WRNIP1: variants seen among roughly 807,000 people sequenced by gnomAD.
WRNIP1 encodes the protein WRN helicase interacting protein 1.
In WRNIP1, 41 loss-of-function variants were observed where a neutral mutation model predicts 56.1. That is an observed-to-expected ratio of 0.73 (90% CI 0.57 to 0.95). The LOEUF (loss-of-function observed/expected upper bound fraction) is 0.95. Among genes scored for constraint, WRNIP1 ranks in the 40% least tolerant of loss-of-function variants. The probability of loss-of-function intolerance (pLI) is 0.00; values close to 1 mark genes in which losing one functional copy is unlikely to be tolerated. For missense variants in WRNIP1, 1,170 were observed against 939.4 expected (o/e 1.25, Z -3.21); for synonymous variants, 547 against 398.1 (o/e 1.37, Z -4.45).
rs1404400868 is a variant in WRNIP1, at chr6:2,786,554, CA to C, written c.*1273del. The C allele has an allele frequency of 1.3e-4, 20 of 152,274 alleles. No homozygotes were observed. The highest frequency in any genetic ancestry group is 1.3e-4 in the Non-Finnish European group (9 of 68,112). The allele number at this position is 152,274 out of a possible 1,614,324, so 9.4% of individuals were successfully genotyped here. ...ACTGACTGCTTTCTGGCACAGGTGGCATGTACCCTCTAGTAGCTTTATGGAG... is the reference window on the plus strand; with the variant it reads ...ACTGACTGCTTTCTGGCACAGGTGGCTGTACCCTCTAGTAGCTTTATGGAG... On this transcript the variant is annotated 3_prime_UTR_variant, in exon 7 of 7. Transcript: ENST00000380773.
chr6:2,776,935 A>G (rs1273655348), intron 3 of WRNIP1, among the ~76,000 whole-genome samples: 1 of 152,202 alleles, frequency 6.6e-6, no homozygotes, highest in Non-Finnish European at 1.5e-5. Flanking sequence ...TTTTTAAAGT[A>G]AATGTTGACA....
intron 4 of WRNIP1, among the ~76,000 whole-genome samples, chr6:2,781,022 G>A (rs149071003): frequency 2.6e-4 from 39 of 152,282 alleles, no homozygotes; most frequent in East Asian, 1.2e-3. Context: ...AAACTGACCC[G>A]TAAATCCAGG....
chr6:2,785,386 C>A lies in WRNIP1; in HGVS notation c.*104C>A. 18 of 1,348,590 alleles carry A rather than the reference C, an allele frequency of 1.3e-5. No individual in the cohort carries two copies. Among genetic ancestry groups the A allele is most frequent in the Non-Finnish European group, 1.7e-5 (17 of 995,082 alleles). 83.5% of individuals were successfully genotyped at this position (1,348,590 alleles called of 1,614,324 possible). A position where few individuals can be genotyped will look rare whatever the true frequency, so the allele number is the denominator to read the frequency against. ...GTTGCCTGGTGGAAGTTAGAACAGA[C>A]CAACATTTTGTGCCAGAAATTTAAG... On this transcript the variant is annotated 3_prime_UTR_variant, in exon 7 of 7. Coordinates refer to ENST00000380773, the MANE Select transcript of WRNIP1 (RefSeq NM_020135.3).
Position 2,765,901 on chromosome 6 carries a change from G to C in WRNIP1, c.279G>C (p.Glu93Asp). The C allele has an allele frequency of 6.9e-7, 1 of 1,456,998 alleles. No individual in the cohort carries two copies. Among genetic ancestry groups the C allele is most frequent in the Non-Finnish European group, 9.0e-7 (1 of 1,106,602 alleles). 90.3% of individuals were successfully genotyped at this position (1,456,998 alleles called of 1,614,324 possible). A position where few individuals can be genotyped will look rare whatever the true frequency, so the allele number is the denominator to read the frequency against. ...CCCCGACGGCAGCCGAGAGCAGCGA[G>C]GGCGAGGGTGAGGAGGGCGACGACG... ...PATPTAAESS[E>D]GEGEEGDDGG... The change falls in exon 1 of 7, where the codon GAG (glutamate) becomes GAC (aspartate). Residue 93 changes from glutamate to aspartate, a missense_variant. Physicochemically the swap from Glu to Asp is conservative, Grantham distance 45 (BLOSUM62 2). Coordinates refer to ENST00000380773, the MANE Select transcript of WRNIP1 (RefSeq NM_020135.3).
intron 3 of WRNIP1, among the ~76,000 whole-genome samples, chr6:2,774,883 C>T (rs897896514): frequency 7.2e-5 from 11 of 152,224 alleles, no homozygotes; most frequent in Non-Finnish European, 1.6e-4. Context: ...TATGCTGTTG[C>T]ACAGTCTGAT....
chr6:2,783,263 T>C (rs1403944651), intron 4 of WRNIP1, 143 bp from the exon 5 acceptor site: 4 of 861,958 alleles, frequency 4.6e-6, no homozygotes, highest in Middle Eastern at 3.8e-4. Flanking sequence ...CAGAGCACGG[T>C]TAAGGCAGCT....
At position 2,785,858 on chromosome 6, in the gene WRNIP1, G is replaced by A. The variant is rs1765698216; in HGVS notation, c.*576G>A. On this transcript the variant is annotated 3_prime_UTR_variant, in exon 7 of 7. Transcript: ENST00000380773. The stretch of plus-strand genomic sequence containing the variant: ...GAAATCACCCCAGATGGGAAGAGTG[G>A]GGAGCTTAAGTTAAGAAGTCAGTGT... The A allele has an allele frequency of 6.5e-6, 1 of 154,974 alleles. No homozygotes were observed. Among genetic ancestry groups the A allele is most frequent in the Admixed American group, 6.4e-5 (1 of 15,682 alleles). 9.6% of individuals were successfully genotyped at this position (154,974 alleles called of 1,614,324 possible).
chr6:2,783,820 T>C (rs949185622), intron 5 of WRNIP1, among the ~76,000 whole-genome samples: 4 of 152,112 alleles, frequency 2.6e-5, no homozygotes, highest in African/African-American at 9.7e-5. Context: ...TCTTCGGGAA[T>C]GTTTTTACTA....
chr6:2,766,103 GAGGCGC>G lies in WRNIP1; in HGVS notation c.485_490del (p.Ala162_Gln163del), dbSNP rs1326054955. 1 of 1,317,146 alleles carries G rather than the reference GAGGCGC, an allele frequency of 7.6e-7. No individual in the cohort carries two copies. The highest frequency in any genetic ancestry group is 9.6e-7 in the Non-Finnish European group (1 of 1,041,078). The allele number at this position is 1,317,146 out of a possible 1,614,324, so 81.6% of individuals were successfully genotyped here. A position where few individuals can be genotyped will look rare whatever the true frequency, so the allele number is the denominator to read the frequency against. ...GTCTCCGCGCAGCTGGGACGAGGCG[GAGGCGC>G]AGGAGGAGGAGGAGGCCGTGGGCGA... On this transcript the variant is annotated inframe_deletion, in exon 1 of 7. Coordinates refer to ENST00000380773, the MANE Select transcript of WRNIP1 (RefSeq NM_020135.3).
chr6:2,786,390 A>G lies in WRNIP1; in HGVS notation c.*1108A>G, dbSNP rs796643871. On this transcript the variant is annotated 3_prime_UTR_variant, in exon 7 of 7. Transcript: ENST00000380773. Reference sequence around the variant, plus strand: ...TCAGGCTGGAGGGACTGTATGTTGCAGAGGCTTGGCCCGACTGGCCTCCCT... The same window carrying G: ...TCAGGCTGGAGGGACTGTATGTTGCGGAGGCTTGGCCCGACTGGCCTCCCT... The G allele has an allele frequency of 8.5e-5, 13 of 152,358 alleles. No individual in the cohort carries two copies. The highest frequency in any genetic ancestry group is 2.9e-4 in the African/African-American group (12 of 41,568). The allele number at this position is 152,358 out of a possible 1,614,324, so 9.4% of individuals were successfully genotyped here.
intron 4 of WRNIP1, among the ~76,000 whole-genome samples, chr6:2,783,199 C>G (rs1765609660): frequency 6.6e-6 from 1 of 152,218 alleles, no homozygotes; most frequent in Non-Finnish European, 1.5e-5. Context: ...GCTGCAGCAG[C>G]CTCTTCCCCT....
intron 3 of WRNIP1, among the ~76,000 whole-genome samples, chr6:2,778,034 T>C (rs1765473094): frequency 6.6e-6 from 1 of 152,174 alleles, no homozygotes. Context: ...CTTTAAGGCA[T>C]TGGGAACAAA....
In WRNIP1 at chr6:2,765,934, G is replaced by C. The variant is rs768151383; in HGVS notation, c.312G>C (p.Glu104Asp). The change falls in exon 1 of 7, where the codon GAG becomes GAC. Residue 104 changes from glutamate (E) to aspartate (D), a missense_variant. Physicochemically the swap from Glu to Asp is conservative, Grantham distance 45. Coordinates refer to ENST00000380773, the MANE Select transcript of WRNIP1 (RefSeq NM_020135.3). ...GEGEEGDDGG[E>D]TESRESYDAP... is the part of the protein sequence containing the mutation. Reference sequence around the variant, plus strand: ...GTGAGGAGGGCGACGACGGCGGCGAGACCGAGAGCCGCGAGAGCTACGACG... The same window carrying C: ...GTGAGGAGGGCGACGACGGCGGCGACACCGAGAGCCGCGAGAGCTACGACG... 2 of 1,449,672 alleles carry C rather than the reference G, an allele frequency of 1.4e-6. No homozygotes were observed. Among genetic ancestry groups the C allele is most frequent in the South Asian group, 2.7e-5 (2 of 75,122 alleles). 89.8% of individuals were successfully genotyped at this position (1,449,672 alleles called of 1,614,324 possible). A position where few individuals can be genotyped will look rare whatever the true frequency, so the allele number is the denominator to read the frequency against.
chr6:2,782,919 G>A (rs567383902), intron 4 of WRNIP1, among the ~76,000 whole-genome samples: 8 of 152,276 alleles, frequency 5.3e-5, no homozygotes, highest in East Asian at 1.9e-4. Flanking sequence ...CACAGGCTTC[G>A]GATATCAGAA....
chr6:2,777,621 T>C (rs979588917), intron 3 of WRNIP1, among the ~76,000 whole-genome samples: 2 of 152,210 alleles, frequency 1.3e-5, no homozygotes, highest in Non-Finnish European at 2.9e-5. Context: ...CTCTCAGGCA[T>C]GTCACGTACT....
At chr6:2,769,697 A>G (rs1182945725) in intron 2 of WRNIP1, among the ~76,000 whole-genome samples, 1 of 152,194 alleles carries the variant, frequency 6.6e-6, no homozygotes, top group African/African-American at 2.4e-5. Flanking sequence ...TAATAATAAT[A>G]TGATTGAGTG....
In WRNIP1 at chr6:2,766,266, C is replaced by T. The variant is rs1438007426; in HGVS notation, c.644C>T (p.Ala215Val). The T allele has an allele frequency of 2.6e-6, 4 of 1,559,420 alleles. No homozygotes were observed. Among genetic ancestry groups the T allele is most frequent in the South Asian group, 1.2e-5 (1 of 84,138 alleles). The change falls in exon 1 of 7, where the codon GCC (alanine) becomes GTC (valine). Residue 215 changes from alanine to valine, a missense_variant. Ala to Val is a moderately conservative substitution (Grantham distance 64, BLOSUM62 0). Coordinates refer to ENST00000380773, the MANE Select transcript of WRNIP1 (RefSeq NM_020135.3). ...CGCCCGCACCCCCGGGCGCTGGCTGCCGAGGAGATCCGACAGATGCTACAG... is the reference window on the plus strand; with the variant it reads ...CGCCCGCACCCCCGGGCGCTGGCTGTCGAGGAGATCCGACAGATGCTACAG... Reference protein sequence around the residue: ...GGRPHPRALAAEEIRQMLQGK... With the variant: ...GGRPHPRALAVEEIRQMLQGK...
intron 6 of WRNIP1, among the ~76,000 whole-genome samples, chr6:2,784,624 G>A (rs903247331): frequency 1.3e-5 from 2 of 152,124 alleles, no homozygotes; most frequent in African/African-American, 2.4e-5. Context: ...GGATTCCGGG[G>A]TTCAGAGCAC....
chr6:2,782,414 A>G (rs142774142), intron 4 of WRNIP1, among the ~76,000 whole-genome samples: 21 of 152,352 alleles, frequency 1.4e-4, no homozygotes, highest in African/African-American at 5.0e-4. Context: ...GGAGGCCAGC[A>G]TCTTCGCTTG....
Sources: allele counts gnomAD v4.1 joint callset (sites outside exome capture counted in the v4.1 genomes callset), GRCh38; gene constraint gnomAD v4.1.1; transcripts MANE v1.5; gene names NCBI Gene and HGNC (gene_info 2026-07-23, HGNC 2026-07-21).